The following ERBB4 variants were observed in gnomAD, a reference collection of about 807,000 sequenced individuals.
ERBB4 encodes the protein erb-b2 receptor tyrosine kinase 4.
In ERBB4, 42 loss-of-function variants were observed where a neutral mutation model predicts 158.0. The ratio of observed to expected loss-of-function variants is 0.27; its 90% CI spans 0.21 to 0.34. The LOEUF is 0.34. Among genes scored for constraint, ERBB4 ranks in the 10% least tolerant of loss-of-function variants. ERBB4 has a pLI of 1.00. For synonymous variants in ERBB4, 583 were observed against 558.7 expected (o/e 1.04, Z -0.61); for missense variants, 1,333 against 1,624.1 (o/e 0.82, Z 3.08).
chr2:212,185,106 C>T lies in ERBB4; in HGVS notation c.83-60203G>A, dbSNP rs140958399. Among the ~76,000 whole-genome samples, 533 of 150,518 alleles carry T rather than the reference C, an allele frequency of 3.5e-3. 3 individuals carry two copies. The highest frequency in any genetic ancestry group is 0.012 in the African/African-American group (468 of 40,522). ...CACAATCTTGGCTCACTGCAACCTA[C>T]GCTTCCCTGGTTAAAGTGGTTCTGA... is the stretch of plus-strand genomic sequence containing the variant. On this transcript the variant is annotated intron_variant, in intron 1 of 27. Transcript: ENST00000342788.
In ERBB4 at chr2:211,571,041, C is replaced by CTTTTT. The variant is rs549254649; in HGVS notation, c.2302-8958_2302-8954dup. Among the ~76,000 whole-genome samples, 319 of 109,040 alleles carry CTTTTT rather than the reference C, an allele frequency of 2.9e-3. 4 individuals are homozygous for CTTTTT. The highest frequency in any genetic ancestry group is 3.6e-3 in the African/African-American group (101 of 28,186). The allele number at this position is 109,040 out of a possible 152,430, so 71.5% of individuals were successfully genotyped here. A position where few individuals can be genotyped will look rare whatever the true frequency, so the allele number is the denominator to read the frequency against. On this transcript the variant is annotated intron_variant, in intron 19 of 27. Coordinates refer to ENST00000342788, the MANE Select transcript of ERBB4 (RefSeq NM_005235.3). ...TTTTCACTCTCTGAGTACTCTTCTT[C>CTTTTT]TTTTTTTTTTTTTTTTTTTTGAGAC...
intron 4 of ERBB4, among the ~76,000 whole-genome samples, chr2:211,779,959 A>T (rs2075993106): frequency 6.6e-6 from 1 of 152,146 alleles, no homozygotes; most frequent in South Asian, 2.1e-4. Flanking sequence ...ATCTCCTATT[A>T]CAGAAGAAGT....
At chr2:211,721,407 C>A (rs2074084717) in intron 7 of ERBB4, among the ~76,000 whole-genome samples, 3 of 113,026 alleles carry the variant, frequency 2.7e-5, no homozygotes, top group South Asian at 5.7e-4. Flanking sequence ...TTTTTTCAGC[C>A]TTTCCAATAG....
intron 20 of ERBB4, among the ~76,000 whole-genome samples, chr2:211,550,647 T>A (rs114278080): frequency 4.2e-5 from 6 of 143,488 alleles, no homozygotes; most frequent in African/African-American, 1.6e-4. Flanking sequence ...ATGAATATAC[T>A]TAGGAATATA....
chr2:212,301,486 T>G (rs1468425758), intron 1 of ERBB4, among the ~76,000 whole-genome samples: 1 of 151,422 alleles, frequency 6.6e-6, no homozygotes, highest in Non-Finnish European at 1.5e-5. Flanking sequence ...TGTTATATCA[T>G]GTGACTCTGA....
At chr2:211,774,471 C>T (rs1408617222) in intron 4 of ERBB4, among the ~76,000 whole-genome samples, 1 of 152,106 alleles carries the variant, frequency 6.6e-6, no homozygotes, top group African/African-American at 2.4e-5. Context: ...GGTCTTCTCA[C>T]CTTATTTGTT....
intron 6 of ERBB4, among the ~76,000 whole-genome samples, chr2:211,724,583 A>G (rs1282754657): frequency 2.0e-5 from 3 of 152,174 alleles, no homozygotes; most frequent in Non-Finnish European, 4.4e-5. Flanking sequence ...ATATCAAAAT[A>G]TAATTAAAAA....
At chr2:212,419,012 G>A (rs986181676) in intron 1 of ERBB4, among the ~76,000 whole-genome samples, 1 of 151,754 alleles carries the variant, frequency 6.6e-6, no homozygotes, top group African/African-American at 2.4e-5. Flanking sequence ...TCATACGTGT[G>A]AAAAGAGCCA....
chr2:212,238,800 AT>A (rs532198286), intron 1 of ERBB4, among the ~76,000 whole-genome samples: 1,625 of 149,606 alleles, frequency 0.011, 24 homozygotes, highest in African/African-American at 0.036. Flanking sequence ...GTTGCCAGCA[AT>A]TTTTTTTTTG....
At chr2:212,254,088 G>C (rs1372556645) in intron 1 of ERBB4, among the ~76,000 whole-genome samples, 2 of 151,896 alleles carry the variant, frequency 1.3e-5, no homozygotes, top group African/African-American at 2.4e-5. Flanking sequence ...TGCCACACAT[G>C]ACTGTAAAAT....
intron 1 of ERBB4, among the ~76,000 whole-genome samples, chr2:212,179,209 T>C (rs1285585108): frequency 6.6e-6 from 1 of 151,598 alleles, no homozygotes; most frequent in East Asian, 1.9e-4. Flanking sequence ...TGTTTTGACA[T>C]TGTTGAGTAA....
At chr2:212,517,652 A>T (rs1691920471) in intron 1 of ERBB4, among the ~76,000 whole-genome samples, 2 of 152,088 alleles carry the variant, frequency 1.3e-5, no homozygotes, top group Non-Finnish European at 2.9e-5. Flanking sequence ...CAGCCATGGA[A>T]ATAGAGTTCA....
chr2:212,182,659 G>A (rs979477532), intron 1 of ERBB4, among the ~76,000 whole-genome samples: 11 of 151,836 alleles, frequency 7.2e-5, no homozygotes, highest in Admixed American at 2.6e-4. Flanking sequence ...CTTCCCACCC[G>A]ACTCCACCTT....
At chr2:212,311,118 C>G (rs1024361310) in intron 1 of ERBB4, among the ~76,000 whole-genome samples, 1 of 150,686 alleles carries the variant, frequency 6.6e-6, no homozygotes, top group Non-Finnish European at 1.5e-5. Context: ...ATGACTAGGA[C>G]ATTACTTGAT....
At chr2:211,616,741 AG>A (rs964936834) in intron 19 of ERBB4, among the ~76,000 whole-genome samples, 2 of 152,210 alleles carry the variant, frequency 1.3e-5, no homozygotes, top group Non-Finnish European at 2.9e-5. Flanking sequence ...TCTCGAAAAT[AG>A]TAGGACATGT....
chr2:212,256,169 T>A (rs1008127151), intron 1 of ERBB4, among the ~76,000 whole-genome samples: 21 of 152,174 alleles, frequency 1.4e-4, no homozygotes, highest in African/African-American at 5.1e-4. Context: ...TTATTTATTC[T>A]GCCAAAGACA....
intron 1 of ERBB4, among the ~76,000 whole-genome samples, chr2:212,370,393 CT>C (rs1305125911): frequency 2.0e-5 from 3 of 152,156 alleles, no homozygotes; most frequent in South Asian, 2.1e-4. Context: ...GATTAATAAA[CT>C]GACCAAACAC....
intron 5 of ERBB4, among the ~76,000 whole-genome samples, chr2:211,727,266 A>C (rs1022363656): frequency 6.6e-6 from 1 of 152,164 alleles, no homozygotes; most frequent in Admixed American, 6.5e-5. Context: ...TACAGGTATA[A>C]AGTGCTTTAC....
At chr2:211,441,664 C>A (rs976015188) in intron 20 of ERBB4, among the ~76,000 whole-genome samples, 1 of 152,072 alleles carries the variant, frequency 6.6e-6, no homozygotes, top group Non-Finnish European at 1.5e-5. Context: ...TCTTGATGCT[C>A]CAGAAGCTAC....
Sources: gnomAD v4.1 joint callset for allele counts (sites outside exome capture counted in the v4.1 genomes callset) on GRCh38, gnomAD v4.1.1 for gene constraint, MANE v1.5 for transcripts, NCBI Gene and HGNC (gene_info 2026-07-23, HGNC 2026-07-21) for gene names.